The following MAP4K5 variants were observed in gnomAD, a reference collection of about 807,000 sequenced individuals.
MAP4K5 encodes the protein MAPK/ERK kinase kinase kinase 5.
MAP4K5 carries 82 observed loss-of-function variants against 135.6 expected under a neutral mutation model. The ratio of observed to expected loss-of-function variants is 0.60; its 90% CI spans 0.51 to 0.73. The LOEUF is 0.73. MAP4K5 is among the 30% of genes least tolerant of loss of function. The pLI is 0.00. For synonymous variants in MAP4K5, 347 were observed against 335.0 expected, an observed-to-expected ratio of 1.04 and a Z score of -0.39; for missense variants, 907 against 1,010.9, an observed-to-expected ratio of 0.90 and a Z score of 1.39.
chr14:50,453,398 A>G (rs2036534330), intron 14 of MAP4K5, among the ~76,000 whole-genome samples: 2 of 152,190 alleles, frequency 1.3e-5, no homozygotes, highest in Admixed American at 1.3e-4. Flanking sequence ...ATCCAAATGC[A>G]AAGTCAACAA....
intron 2 of MAP4K5, 147 bp from the exon 3 acceptor site, chr14:50,505,004 C>A (rs1358364529): frequency 5.8e-6 from 3 of 518,778 alleles, no homozygotes; most frequent in Non-Finnish European, 9.9e-6. Flanking sequence ...TGAGCAAACT[C>A]ATTTTCCCAT....
chr14:50,464,162 A>G (rs1424927947), intron 11 of MAP4K5, 29 bp from the exon 12 acceptor site: 2 of 1,052,378 alleles, frequency 1.9e-6, no homozygotes, highest in African/African-American at 1.6e-5. Flanking sequence ...GTACAAAAAT[A>G]TTTCACTACT....
At chr14:50,513,196 T>C (rs1167670666) in intron 2 of MAP4K5, among the ~76,000 whole-genome samples, 1 of 152,218 alleles carries the variant, frequency 6.6e-6, no homozygotes, top group Non-Finnish European at 1.5e-5. Flanking sequence ...TAATTTTCTA[T>C]TCGCATTGCT....
chr14:50,480,671 C>T (rs1014053985), intron 6 of MAP4K5, among the ~76,000 whole-genome samples: 3 of 152,104 alleles, frequency 2.0e-5, no homozygotes, highest in Admixed American at 6.5e-5. Context: ...AATAGGGATG[C>T]ATACATTCTG....
At chr14:50,528,174 T>C (rs546685995) in intron 2 of MAP4K5, among the ~76,000 whole-genome samples, 141 of 152,264 alleles carry the variant, frequency 9.3e-4, no homozygotes, top group African/African-American at 3.2e-3. Flanking sequence ...CATTTCCTGC[T>C]CTTGCCCTCA....
intron 12 of MAP4K5, among the ~76,000 whole-genome samples, 161 bp downstream of exon 12, chr14:50,463,891 C>CAAAAAAA (rs56877870): frequency 5.7e-5 from 4 of 70,408 alleles, no homozygotes; most frequent in African/African-American, 1.8e-4. Context: ...ACCCTGTTTC[C>CAAAAAAA]AAAAAAAAAA....
At chr14:50,517,520 C>T (rs1257455956) in intron 2 of MAP4K5, among the ~76,000 whole-genome samples, 5 of 151,584 alleles carry the variant, frequency 3.3e-5, no homozygotes, top group African/African-American at 4.8e-5. Flanking sequence ...GTAATCTCAG[C>T]ACTTTGGGAG....
At chr14:50,442,868 A>G in intron 20 of MAP4K5, 52 bp from the exon 21 acceptor site, 4 of 1,054,528 alleles carry the variant, frequency 3.8e-6, no homozygotes, top group Non-Finnish European at 5.6e-6. Flanking sequence ...AATTTTATAT[A>G]TTCTTGGAAA....
intron 2 of MAP4K5, among the ~76,000 whole-genome samples, chr14:50,512,090 A>C (rs1312284927): frequency 6.6e-6 from 1 of 152,172 alleles, no homozygotes; most frequent in Non-Finnish European, 1.5e-5. Context: ...ATTATAACAA[A>C]TGTACCACAC....
chr14:50,501,217 G>A (rs1216239238), intron 3 of MAP4K5, among the ~76,000 whole-genome samples: 1 of 152,066 alleles, frequency 6.6e-6, no homozygotes, highest in Non-Finnish European at 1.5e-5. Flanking sequence ...TGATGAGGCA[G>A]GAAGAGTATA....
chr14:50,464,283 C>A, intron 11 of MAP4K5, 150 bp from the exon 12 acceptor site: 1 of 554,090 alleles, frequency 1.8e-6, no homozygotes, highest in Non-Finnish European at 3.2e-6. Flanking sequence ...GTGGAAACAT[C>A]TGTGTCAGTT....
intron 32 of MAP4K5, 26 bp downstream of exon 32, chr14:50,423,095 T>C (rs2035768997): frequency 1.6e-6 from 2 of 1,258,824 alleles, no homozygotes; most frequent in Non-Finnish European, 1.1e-6. Flanking sequence ...CCTTTGGTAA[T>C]TAAATTAATA....
At chr14:50,552,474 T>C (rs1158687046) in intron 1 of MAP4K5, among the ~76,000 whole-genome samples, 4 of 152,084 alleles carry the variant, frequency 2.6e-5, no homozygotes, top group African/African-American at 9.7e-5. Context: ...GCAATTCCCA[T>C]CAAAATACCA....
chr14:50,543,837 C>T (rs2038595575), intron 1 of MAP4K5, among the ~76,000 whole-genome samples: 2 of 152,220 alleles, frequency 1.3e-5, no homozygotes, highest in South Asian at 2.1e-4. Context: ...TATATTGTCC[C>T]TATAGGATTG....
chr14:50,480,456 C>G (rs2037213849), intron 6 of MAP4K5, among the ~76,000 whole-genome samples: 1 of 149,184 alleles, frequency 6.7e-6, no homozygotes, highest in Non-Finnish European at 1.5e-5. Context: ...CCGACCATAT[C>G]AAATCCCTTC....
At chr14:50,540,507 T>C (rs1366773142) in intron 2 of MAP4K5, among the ~76,000 whole-genome samples, 1 of 152,208 alleles carries the variant, frequency 6.6e-6, no homozygotes, top group African/African-American at 2.4e-5. Flanking sequence ...CCCAAGGCCA[T>C]TTCCAGAGGT....
At chr14:50,498,570 G>GCA (rs2037642408) in intron 3 of MAP4K5, among the ~76,000 whole-genome samples, 1 of 152,118 alleles carries the variant, frequency 6.6e-6, no homozygotes, top group South Asian at 2.1e-4. Flanking sequence ...CTATTAGGAA[G>GCA]ACCTTCAAAA....
At chr14:50,530,809 A>G (rs2038369181) in intron 2 of MAP4K5, among the ~76,000 whole-genome samples, 1 of 86,388 alleles carries the variant, frequency 1.2e-5, no homozygotes, top group Admixed American at 1.4e-4. Flanking sequence ...TCTCAGTAGA[A>G]TCAAACAGTG....
At chr14:50,443,624 TATG>T in intron 20 of MAP4K5, 102 bp downstream of exon 20, 1 of 892,588 alleles carries the variant, frequency 1.1e-6, no homozygotes, top group South Asian at 2.3e-5. Flanking sequence ...CTTTGTATTT[TATG>T]ATATCTTAAC....
Sources: gnomAD v4.1 joint callset for allele counts (sites outside exome capture counted in the v4.1 genomes callset) on GRCh38, gnomAD v4.1.1 for gene constraint, MANE v1.5 for transcripts, NCBI Gene and HGNC (gene_info 2026-07-23, HGNC 2026-07-21) for gene names.